DNAJC13: variants seen among roughly 807,000 people sequenced by gnomAD.
The protein encoded by DNAJC13 is DnaJ heat shock protein family (Hsp40) member C13.
DNAJC13 carries 75 observed loss-of-function variants against 290.5 expected under a neutral mutation model. The observed-to-expected ratio is 0.26, with a 90% CI of 0.21 to 0.31. DNAJC13 has a LOEUF of 0.31. Among genes scored for constraint, DNAJC13 ranks in the 10% least tolerant of loss-of-function variants. DNAJC13 has a pLI of 1.00. For synonymous variants in DNAJC13, 862 were observed against 892.0 expected (o/e 0.97, Z 0.60); for missense variants, 2,260 against 2,674.5 (o/e 0.85, Z 3.42).
chr3:132,450,222 A>G (rs1236582688), intron 5 of DNAJC13, among the ~76,000 whole-genome samples: 2 of 152,104 alleles, frequency 1.3e-5, no homozygotes, highest in Non-Finnish European at 2.9e-5. Flanking sequence ...TTTAAATTGA[A>G]TATTACAACT....
chr3:132,504,551 A>T (rs920845551), intron 41 of DNAJC13, among the ~76,000 whole-genome samples: 1 of 152,172 alleles, frequency 6.6e-6, no homozygotes, highest in Non-Finnish European at 1.5e-5. Context: ...ATGAGCTCCA[A>T]CTGGATTCAA....
intron 30 of DNAJC13, 55 bp downstream of exon 30, chr3:132,488,507 T>G (rs1304500246): frequency 6.8e-7 from 1 of 1,460,022 alleles, no homozygotes; most frequent in Non-Finnish European, 9.2e-7. Flanking sequence ...TTATATGGAC[T>G]GATTTAATTG....
intron 46 of DNAJC13, chr3:132,514,921 T>TGCGGCGACCACC: frequency 5.1e-6 from 1 of 194,554 alleles, no homozygotes. Flanking sequence ...TTCAGTTTGT[T>TGCGGCGACCACC]GAGATCTACA....
intron 1 of DNAJC13, among the ~76,000 whole-genome samples, chr3:132,421,892 T>C (rs1197360927): frequency 6.6e-6 from 1 of 152,112 alleles, no homozygotes; most frequent in African/African-American, 2.4e-5. Context: ...CCTGGAAAAA[T>C]CTCTGTATAT....
chr3:132,499,752 A>C lies in DNAJC13; in HGVS notation c.4360A>C (p.Ser1454Arg). ...NGLEVLQEAF[S>R]RCVAVLTRAS... ...TCTGCAGGTGTTACAAGAGGCATTT[A>C]GTCGCTGTGTGGCTGTCTTGACTCG... The change falls in exon 38 of 56, where the codon AGT becomes CGT. Residue 1454 changes from serine to arginine, a missense_variant. Around this residue, in one of 3 missense-constraint regions of DNAJC13, gnomAD observed 1,494 missense variants for 1,693.7 expected, o/e 0.88. Coordinates refer to ENST00000260818, the MANE Select transcript of DNAJC13 (RefSeq NM_015268.4). 6.2e-7 allele frequency: 1 copy of C among 1,614,190 alleles called. No homozygotes were observed. Among genetic ancestry groups the C allele is most frequent in the South Asian group, 1.1e-5 (1 of 91,084 alleles).
chr3:132,496,361 A>AT lies in DNAJC13; in HGVS notation c.4021-164dup, dbSNP rs533225651. 7.0e-3 allele frequency among the ~76,000 whole-genome samples: 1,070 copies of AT among 152,270 alleles called. 10 individuals carry two copies. Among genetic ancestry groups the AT allele is most frequent in the African/African-American group, 0.024 (1,011 of 41,564 alleles). On this transcript the variant is annotated intron_variant, in intron 35 of 55. Coordinates refer to ENST00000260818, the MANE Select transcript of DNAJC13 (RefSeq NM_015268.4). ...CATTAGACAACTATTTGAAAAAAAA[A>AT]TTTCACCTTAACAGTATACCAGCTA...
chr3:132,518,216 T>TGG lies in DNAJC13; in HGVS notation c.5673+1400_5673+1401insGG, dbSNP rs1935978453. ...TATGTACTGGAATTGACTGAGCTCT[T>TGG]TGGTTATATTTCTGACCTTTGAAAT... On this transcript the variant is annotated intron_variant, in intron 48 of 55. Transcript: ENST00000260818. 2.0e-5 allele frequency among the ~76,000 whole-genome samples: 3 copies of TGG among 152,228 alleles called. No homozygotes were observed. The South Asian group carries it at 6.2e-4, about 31-fold the overall frequency.
At chr3:132,447,504 T>A (rs1433226657) in intron 4 of DNAJC13, 34 bp downstream of exon 4, 2 of 1,505,800 alleles carry the variant, frequency 1.3e-6, no homozygotes. Flanking sequence ...ATAAAATTTC[T>A]TTCTTCTCTT....
chr3:132,422,357 G>A (rs924792471), intron 1 of DNAJC13, among the ~76,000 whole-genome samples: 19 of 152,152 alleles, frequency 1.2e-4, no homozygotes, highest in East Asian at 5.8e-4. Flanking sequence ...CTTGAAAGTC[G>A]TATGGTGTGG....
At chr3:132,420,323 A>G (rs1010778571) in intron 1 of DNAJC13, among the ~76,000 whole-genome samples, 2 of 152,182 alleles carry the variant, frequency 1.3e-5, no homozygotes, top group African/African-American at 2.4e-5. Flanking sequence ...TGCCTCTTCT[A>G]TGGAAAAAAG....
intron 51 of DNAJC13, 165 bp downstream of exon 51, chr3:132,523,878 C>T: frequency 3.0e-6 from 2 of 671,828 alleles, no homozygotes; most frequent in Admixed American, 3.3e-5. Context: ...ATTTTTTTGC[C>T]ATGTTCAAAA....
intron 22 of DNAJC13, among the ~76,000 whole-genome samples, chr3:132,476,426 T>C (rs1012999982): frequency 6.6e-6 from 1 of 152,198 alleles, no homozygotes; most frequent in Non-Finnish European, 1.5e-5. Flanking sequence ...ATTTAGACCT[T>C]CTTGCTTTTA....
chr3:132,462,215 A>G (rs1933821310), intron 15 of DNAJC13, among the ~76,000 whole-genome samples: 1 of 152,114 alleles, frequency 6.6e-6, no homozygotes, highest in Non-Finnish European at 1.5e-5. Context: ...CATTCAAATA[A>G]TTATAATTAT....
intron 16 of DNAJC13, among the ~76,000 whole-genome samples, chr3:132,462,866 T>C (rs1216011044): frequency 1.3e-5 from 2 of 152,186 alleles, no homozygotes; most frequent in Non-Finnish European, 2.9e-5. Context: ...TGTATAGAAA[T>C]CTATTGATGG....
intron 5 of DNAJC13, among the ~76,000 whole-genome samples, chr3:132,449,616 A>G (rs893611868): frequency 6.6e-6 from 1 of 152,194 alleles, no homozygotes; most frequent in East Asian, 1.9e-4. Flanking sequence ...GTCCTGTGAA[A>G]GTCATTGCTG....
chr3:132,443,810 T>C (rs1051667204), intron 2 of DNAJC13, among the ~76,000 whole-genome samples: 1 of 152,170 alleles, frequency 6.6e-6, no homozygotes, highest in Non-Finnish European at 1.5e-5. Context: ...GATAGCTCCG[T>C]GTTTACTAGT....
intron 46 of DNAJC13, 93 bp from the exon 47 acceptor site, chr3:132,516,329 G>T: frequency 9.0e-7 from 1 of 1,105,302 alleles, no homozygotes; most frequent in South Asian, 1.3e-5. Flanking sequence ...ATCCTGTGTA[G>T]AACATCTAGT....
chr3:132,474,073 G>A (rs1934378176), intron 21 of DNAJC13, among the ~76,000 whole-genome samples: 2 of 152,136 alleles, frequency 1.3e-5, no homozygotes, highest in South Asian at 4.1e-4. Flanking sequence ...CTTTGAAAAT[G>A]CTCAGTCATA....
chr3:132,527,352 T>G (rs1305659653), intron 53 of DNAJC13, among the ~76,000 whole-genome samples: 1 of 152,200 alleles, frequency 6.6e-6, no homozygotes, highest in Admixed American at 6.5e-5. Context: ...GCCCTGCATC[T>G]TTATTATCTG....
Sources: allele counts gnomAD v4.1 joint callset (sites outside exome capture counted in the v4.1 genomes callset), GRCh38; gene constraint gnomAD v4.1.1; regional missense constraint gnomAD v4.1.1; transcripts MANE v1.5; gene names NCBI Gene and HGNC (gene_info 2026-07-23, HGNC 2026-07-21).